Variants in CWH43 observed in about 807,000 individuals in gnomAD.
CWH43 encodes cell wall biogenesis 43 C-terminal homolog.
A neutral mutation model predicts 85.7 loss-of-function variants in CWH43; 91 were observed. The observed-to-expected ratio is 1.06, with a 90% CI of 0.90 to 1.26. The LOEUF (loss-of-function observed/expected upper bound fraction) is 1.26. CWH43 is among the 50% of genes most tolerant of loss of function. CWH43 has a pLI of 0.00. For missense variants in CWH43, 869 were observed against 839.2 expected (o/e 1.04, Z -0.44); for synonymous variants, 323 against 293.6 (o/e 1.10, Z -1.02).
chr4:49,061,298 G>A (rs554803585), intron 15 of CWH43, among the ~76,000 whole-genome samples: 5 of 152,282 alleles, frequency 3.3e-5, no homozygotes, highest in South Asian at 2.1e-4. Context: ...GGTTGCTTAT[G>A]AAGAAAAGGA....
chr4:49,037,969 G>C, intron 12 of CWH43, 67 bp from the exon 13 acceptor site: 8 of 1,427,968 alleles, frequency 5.6e-6, no homozygotes, highest in East Asian at 2.3e-5. Context: ...TGGCAACTTA[G>C]GTACCTAAGG....
chr4:49,022,854 T>C (rs1252767594), intron 9 of CWH43, among the ~76,000 whole-genome samples: 7 of 152,340 alleles, frequency 4.6e-5, no homozygotes, highest in Middle Eastern at 3.4e-3. Flanking sequence ...CATGGTAGCA[T>C]TGAATGATCT....
Position 49,030,920 on chromosome 4 carries a change from T to G in CWH43, c.1468T>G (p.Tyr490Asp), listed in dbSNP as rs759645844. ...GTGGCTAGGGGAAAAGTTGGGTTTC[T>G]ATACAGACTTTGGTCCAAGCACAAG... ...TMWLGEKLGF[Y>D]TDFGPSTRYH... Residue 490 changes from tyrosine to aspartate, a missense_variant, in exon 11 of 16, where the codon TAT becomes GAT. Physicochemically the swap from Tyr to Asp is radical, Grantham distance 160. Transcript: ENST00000226432. 6.2e-7 allele frequency: 1 copy of G among 1,610,806 alleles called. No individual in the cohort carries two copies. Among genetic ancestry groups the G allele is most frequent in the South Asian group, 1.1e-5 (1 of 90,638 alleles).
rs377659321 is a variant in CWH43, at chr4:49,054,293, C to CT, written c.2021+3447dup. Among the ~76,000 whole-genome samples, 487 of 152,150 alleles carry CT rather than the reference C, an allele frequency of 3.2e-3. 2 individuals are homozygous for CT. The highest frequency in any genetic ancestry group is 0.011 in the African/African-American group (473 of 41,506). On this transcript the variant is annotated intron_variant, in intron 15 of 15. Coordinates refer to ENST00000226432, the MANE Select transcript of CWH43 (RefSeq NM_025087.3). ...TTTCCCCATTGTGTGTTTGGGGTAC[C>CT]TTTGTCAAAGATCAATTGACTGTAA...
intron 7 of CWH43, 46 bp downstream of exon 7, chr4:49,004,038 A>T (rs1783078035): frequency 1.3e-6 from 2 of 1,539,720 alleles, no homozygotes; most frequent in African/African-American, 1.4e-5. Context: ...GCTCAAAAAT[A>T]TCCTTATGGA....
At chr4:49,002,403 A>T (rs1783019016) in intron 6 of CWH43, among the ~76,000 whole-genome samples, 1 of 152,188 alleles carries the variant, frequency 6.6e-6, no homozygotes, top group Non-Finnish European at 1.5e-5. Flanking sequence ...ACACTAGTAA[A>T]TGTTCCTGAT....
chr4:49,055,385 G>A (rs565114073), intron 15 of CWH43, among the ~76,000 whole-genome samples: 25 of 152,140 alleles, frequency 1.6e-4, no homozygotes, highest in African/African-American at 5.3e-4. Flanking sequence ...ATCCTTTTAA[G>A]GTACTGTTGA....
At chr4:49,034,190 G>C (rs1004398909) in intron 12 of CWH43, among the ~76,000 whole-genome samples, 1 of 152,082 alleles carries the variant, frequency 6.6e-6, no homozygotes, top group Admixed American at 6.6e-5. Flanking sequence ...TTGAAGAAAT[G>C]CTTTCTTTTT....
chr4:49,061,980 A>G lies in CWH43; in HGVS notation c.*90A>G, dbSNP rs1785176386. Reference sequence around the variant, plus strand: ...AAGAGATTAATGAAAGTGGGAAAATACACATGAAGAACCTCAACTTAAAAA... The same window carrying G: ...AAGAGATTAATGAAAGTGGGAAAATGCACATGAAGAACCTCAACTTAAAAA... On this transcript the variant is annotated 3_prime_UTR_variant, in exon 16 of 16. Coordinates refer to ENST00000226432, the MANE Select transcript of CWH43 (RefSeq NM_025087.3). 2 of 1,014,256 alleles carry G rather than the reference A, an allele frequency of 2.0e-6. No individual in the cohort carries two copies. Among genetic ancestry groups the G allele is most frequent in the South Asian group, 2.9e-5 (1 of 34,922 alleles). 62.8% of individuals were successfully genotyped at this position (1,014,256 alleles called of 1,614,324 possible).
chr4:48,991,412 A>G, intron 2 of CWH43, 42 bp from the exon 3 acceptor site: 2 of 1,611,784 alleles, frequency 1.2e-6, no homozygotes, highest in African/African-American at 1.3e-5. Flanking sequence ...GTTCCAATCC[A>G]TACTTGCCAG....
In CWH43 at chr4:49,028,580, C is replaced by A. The variant is rs767630835; in HGVS notation, c.1267-49C>A. The A allele has an allele frequency of 1.4e-5, 19 of 1,349,232 alleles. No homozygotes were observed. The East Asian group carries it at 4.4e-4, about 31-fold the overall frequency. 83.6% of individuals were successfully genotyped at this position (1,349,232 alleles called of 1,614,324 possible). A position where few individuals can be genotyped will look rare whatever the true frequency, so the allele number is the denominator to read the frequency against. ...AGTGGAGAAAAGTGGGTCACTGAAA[C>A]TGCCATTGTTCACAGTCATCCTAAA... On this transcript the variant is annotated intron_variant, in intron 9 of 15. Transcript: ENST00000226432.
At chr4:49,026,728 A>G (rs1426835999) in intron 9 of CWH43, among the ~76,000 whole-genome samples, 1 of 152,172 alleles carries the variant, frequency 6.6e-6, no homozygotes, top group Non-Finnish European at 1.5e-5. Context: ...GTTCCTTTTC[A>G]TGGCTGAGTA....
At chr4:48,989,530 G>A (rs1266271937) in intron 2 of CWH43, among the ~76,000 whole-genome samples, 3 of 152,212 alleles carry the variant, frequency 2.0e-5, no homozygotes, top group African/African-American at 4.8e-5. Context: ...CTAGGATGTT[G>A]CCATCGCACA....
chr4:49,009,383 G>T (rs1343566362), intron 8 of CWH43, among the ~76,000 whole-genome samples: 2 of 152,124 alleles, frequency 1.3e-5, no homozygotes, highest in African/African-American at 4.8e-5. Flanking sequence ...GGGCTGAAAT[G>T]ATGGGGTTTT....
At chr4:49,058,017 T>G (rs1785020869) in intron 15 of CWH43, among the ~76,000 whole-genome samples, 1 of 152,200 alleles carries the variant, frequency 6.6e-6, no homozygotes, top group Admixed American at 6.5e-5. Flanking sequence ...TGAGTTTTTT[T>G]TATAGGCAGC....
Position 48,988,684 on chromosome 4 carries a change from G to T in CWH43, c.235+16G>T. 6.6e-7 allele frequency: 1 copy of T among 1,504,378 alleles called. No homozygotes were observed. The highest frequency in any genetic ancestry group is 8.9e-7 in the Non-Finnish European group (1 of 1,117,658). The allele number at this position is 1,504,378 out of a possible 1,614,324, so 93.2% of individuals were successfully genotyped here. ...ATCACTATTGGTAAGATTTAAAAGA[G>T]TTTCTTTAAGTTGTTTTTTTTAAGT... is the stretch of plus-strand genomic sequence containing the variant. On this transcript the variant is annotated intron_variant, in intron 2 of 15. Coordinates refer to ENST00000226432, the MANE Select transcript of CWH43 (RefSeq NM_025087.3).
chr4:49,044,473 T>C (rs1784560627), intron 13 of CWH43, among the ~76,000 whole-genome samples: 1 of 152,136 alleles, frequency 6.6e-6, no homozygotes, highest in Non-Finnish European at 1.5e-5. Flanking sequence ...CTGCTGGGGA[T>C]GAGAGACTTG....
At chr4:49,033,907 T>C (rs1784182488) in intron 12 of CWH43, among the ~76,000 whole-genome samples, 1 of 152,202 alleles carries the variant, frequency 6.6e-6, no homozygotes, top group Non-Finnish European at 1.5e-5. Context: ...AAAACAACGT[T>C]GTTGTACTAT....
At chr4:49,041,421 G>T (rs1255322856) in intron 13 of CWH43, among the ~76,000 whole-genome samples, 2 of 151,974 alleles carry the variant, frequency 1.3e-5, no homozygotes, top group Non-Finnish European at 1.5e-5. Context: ...TTATTTCCTT[G>T]AGCAGTGGTT....
Sources: gnomAD v4.1 joint callset for allele counts (sites outside exome capture counted in the v4.1 genomes callset) on GRCh38, gnomAD v4.1.1 for gene constraint, MANE v1.5 for transcripts, NCBI Gene and HGNC (gene_info 2026-07-23, HGNC 2026-07-21) for gene names.